DCDC1: variants seen among roughly 807,000 people sequenced by gnomAD.
DCDC1 encodes doublecortin domain containing 1.
Under a neutral mutation model 178.3 loss-of-function variants are expected in DCDC1, and 200 were observed. The ratio of observed to expected loss-of-function variants is 1.12; its 90% CI spans 1.00 to 1.26. The LOEUF (loss-of-function observed/expected upper bound fraction) is 1.26. Ranked by LOEUF, DCDC1 falls within the 50% of genes most tolerant of loss-of-function variation. The pLI is 0.00. For missense variants in DCDC1, 1,983 were observed against 1,749.2 expected (o/e 1.13, Z -2.38); for synonymous variants, 690 against 604.8 (o/e 1.14, Z -2.07).
intron 20 of DCDC1, among the ~76,000 whole-genome samples, chr11:31,025,250 A>T (rs1362504681): frequency 1.3e-5 from 2 of 151,746 alleles, no homozygotes; most frequent in East Asian, 3.8e-4. Flanking sequence ...AACCTTTCCC[A>T]AAACAGAGAC....
chr11:30,952,360 T>C (rs1418477259), intron 21 of DCDC1, 85 bp downstream of exon 21: 5 of 1,264,528 alleles, frequency 4.0e-6, no homozygotes, highest in Non-Finnish European at 5.2e-6. Context: ...ATTCAAAAGC[T>C]ATATGGAAGT....
chr11:31,132,903 C>G (rs1962629491), intron 10 of DCDC1, among the ~76,000 whole-genome samples: 1 of 152,138 alleles, frequency 6.6e-6, no homozygotes, highest in Non-Finnish European at 1.5e-5. Context: ...GGTGAGAAAA[C>G]AAACCCAAAC....
intron 20 of DCDC1, among the ~76,000 whole-genome samples, chr11:31,005,897 A>G (rs937875993): frequency 4.0e-5 from 6 of 149,664 alleles, no homozygotes; most frequent in African/African-American, 1.5e-4. Flanking sequence ...CTCCTTGACC[A>G]ATATCTCCGA....
intron 24 of DCDC1, 110 bp from the exon 25 acceptor site, chr11:30,921,045 T>C: frequency 1.7e-6 from 2 of 1,174,690 alleles, no homozygotes; most frequent in South Asian, 1.6e-5. Flanking sequence ...ATCTATTTGG[T>C]CTATTCATAG....
At chr11:30,974,891 T>C (rs1452892981) in intron 20 of DCDC1, among the ~76,000 whole-genome samples, 2 of 152,070 alleles carry the variant, frequency 1.3e-5, no homozygotes, top group Non-Finnish European at 2.9e-5. Flanking sequence ...GTTACCTTAA[T>C]ACCAAAACCA....
At chr11:31,216,087 G>A (rs1973520418) in intron 9 of DCDC1, among the ~76,000 whole-genome samples, 1 of 152,104 alleles carries the variant, frequency 6.6e-6, no homozygotes, top group Non-Finnish European at 1.5e-5. Context: ...CCCCACTGAG[G>A]TGTGTTAATA....
intron 18 of DCDC1, among the ~76,000 whole-genome samples, chr11:31,068,874 T>C (rs1956399083): frequency 1.3e-5 from 2 of 151,732 alleles, no homozygotes. Context: ...TTTTTTGAGA[T>C]GGAGTCTCGC....
At chr11:30,927,652 T>C (rs1171781873) in intron 22 of DCDC1, among the ~76,000 whole-genome samples, 2 of 152,136 alleles carry the variant, frequency 1.3e-5, no homozygotes, top group Non-Finnish European at 2.9e-5. Flanking sequence ...TTACAGAAAG[T>C]AGAAGGTACC....
chr11:31,315,306 C>CTTTTT lies in DCDC1; in HGVS notation c.165-7403_165-7399dup, dbSNP rs72156406. Among the ~76,000 whole-genome samples, 57 of 62,208 alleles carry CTTTTT rather than the reference C, an allele frequency of 9.2e-4. 7 individuals are homozygous for CTTTTT. The highest frequency in any genetic ancestry group is 4.8e-3 in the East Asian group (8 of 1,672). 40.8% of individuals were successfully genotyped at this position (62,208 alleles called of 152,430 possible). ...CTTCCATAGTTCCTATTTGCATACC[C>CTTTTT]TTTTTTTTTTTTTTTTTTTTTTTTT... On this transcript the variant is annotated intron_variant, in intron 3 of 38. Transcript: ENST00000684477.
intron 9 of DCDC1, among the ~76,000 whole-genome samples, chr11:31,146,736 C>CT (rs1250149130): frequency 1.7e-4 from 26 of 152,172 alleles, no homozygotes; most frequent in African/African-American, 5.8e-4. Context: ...GAAACTCCTT[C>CT]TAACGTCCGG....
chr11:30,864,595 C>A lies in DCDC1; in HGVS notation c.*778G>T, dbSNP rs1940837361. 1 of 152,238 alleles carries A rather than the reference C, an allele frequency of 6.6e-6. No individual in the cohort carries two copies. Among genetic ancestry groups the A allele is most frequent in the Non-Finnish European group, 1.5e-5 (1 of 68,062 alleles). The allele number at this position is 152,238 out of a possible 1,614,324, so 9.4% of individuals were successfully genotyped here. On this transcript the variant is annotated 3_prime_UTR_variant, in exon 39 of 39. Coordinates refer to ENST00000684477, the MANE Select transcript of DCDC1 (RefSeq NM_001387274.1). ...AGAGTAGAAGAACTGAACCTCATGT[C>A]CCCATCATGTTGCTGTGGGGTGGGA...
chr11:31,248,148 T>C (rs1943709344), intron 8 of DCDC1, among the ~76,000 whole-genome samples: 1 of 152,070 alleles, frequency 6.6e-6, no homozygotes, highest in African/African-American at 2.4e-5. Flanking sequence ...TAACCTAAAA[T>C]AGAAGTAATG....
intron 20 of DCDC1, among the ~76,000 whole-genome samples, chr11:30,973,961 A>C (rs7926058): frequency 0.042 from 6,427 of 152,268 alleles, 429 homozygotes; most frequent in African/African-American, 0.15. Context: ...TACATGGAAC[A>C]TTCTCCAGGA....
intron 17 of DCDC1, among the ~76,000 whole-genome samples, chr11:31,089,794 C>T (rs931462674): frequency 6.6e-6 from 1 of 151,996 alleles, no homozygotes; most frequent in African/African-American, 2.4e-5. Context: ...TTTATATCTT[C>T]CATGTATTTA....
chr11:31,283,883 C>G (rs1166105968), intron 7 of DCDC1, among the ~76,000 whole-genome samples: 1 of 152,058 alleles, frequency 6.6e-6, no homozygotes. Context: ...TTTCAGCTAC[C>G]TAGAACTTTG....
At chr11:31,333,280 C>T (rs1272158966) in intron 2 of DCDC1, among the ~76,000 whole-genome samples, 2 of 152,124 alleles carry the variant, frequency 1.3e-5, no homozygotes, top group Non-Finnish European at 2.9e-5. Context: ...GTGTGTCTCT[C>T]CACATGAGAT....
intron 22 of DCDC1, among the ~76,000 whole-genome samples, chr11:30,929,695 T>G (rs1946811036): frequency 6.6e-6 from 1 of 152,072 alleles, no homozygotes; most frequent in African/African-American, 2.4e-5. Flanking sequence ...CTTCAAAGCC[T>G]CATCTGGGGC....
intron 20 of DCDC1, among the ~76,000 whole-genome samples, chr11:31,040,257 A>G (rs975165484): frequency 5.9e-5 from 9 of 152,250 alleles, no homozygotes; most frequent in African/African-American, 2.2e-4. Context: ...TAACTCCTCC[A>G]GTCATCCCCC....
chr11:31,178,135 A>G (rs1036191112), intron 9 of DCDC1, among the ~76,000 whole-genome samples: 1 of 152,222 alleles, frequency 6.6e-6, no homozygotes, highest in Admixed American at 6.5e-5. Context: ...TTAGGCCACA[A>G]AACAAGTTGT....
Sources: gnomAD v4.1 joint callset for allele counts (sites outside exome capture counted in the v4.1 genomes callset) on GRCh38, gnomAD v4.1.1 for gene constraint, MANE v1.5 for transcripts, NCBI Gene and HGNC (gene_info 2026-07-23, HGNC 2026-07-21) for gene names.